PCDH15: variants seen among roughly 807,000 people sequenced by gnomAD.
PCDH15 encodes the protein protocadherin-15.
PCDH15 carries 129 observed loss-of-function variants against 178.5 expected under a neutral mutation model. The ratio of observed to expected loss-of-function variants is 0.72; its 90% CI spans 0.63 to 0.84. The LOEUF (loss-of-function observed/expected upper bound fraction) is 0.84. Ranked by LOEUF, PCDH15 falls within the 40% of genes least tolerant of loss-of-function variation. The pLI is 0.00. For missense variants in PCDH15, 2,230 were observed against 2,099.9 expected, an observed-to-expected ratio of 1.06 and a Z score of -1.21; for synonymous variants, 800 against 732.0, an observed-to-expected ratio of 1.09 and a Z score of -1.50.
intron 2 of PCDH15, among the ~76,000 whole-genome samples, chr10:55,482,570 A>G (rs1322226214): frequency 1.3e-5 from 2 of 151,672 alleles, no homozygotes; most frequent in African/African-American, 4.8e-5. Context: ...TTTCCTTTGC[A>G]TATGAAGTTT....
At chr10:54,758,322 A>T (rs546368844) in intron 1 of PCDH15, among the ~76,000 whole-genome samples, 1 of 152,174 alleles carries the variant, frequency 6.6e-6, no homozygotes, top group Middle Eastern at 3.2e-3. Flanking sequence ...GTATGGTAAA[A>T]TACTCTCTCA....
At position 53,903,283 on chromosome 10, in the gene PCDH15, G is replaced by A. The variant is rs1564729100; in HGVS notation, c.3461C>T (p.Ser1154Phe). 6.2e-7 allele frequency: 1 copy of A among 1,613,146 alleles called. No homozygotes were observed. The highest frequency in any genetic ancestry group is 8.5e-7 in the Non-Finnish European group (1 of 1,179,474). ...AGAAGTAAACATTCTTGCATCTTCA[G>A]ATACACCTCCGATGTAGAATTTTTT... The part of the protein sequence containing the change: ...FQKKFYIGGV[S>F]EDARMFTSVL... The change falls in exon 26 of 38, where the codon TCT becomes TTT. Residue 1154 changes from serine (S) to phenylalanine (F), a missense_variant. Coordinates refer to ENST00000644397, the MANE Select transcript of PCDH15 (RefSeq NM_001384140.1).
chr10:54,961,249 CT>C (rs953233619), intron 2 of PCDH15, among the ~76,000 whole-genome samples: 2 of 152,178 alleles, frequency 1.3e-5, no homozygotes, highest in Non-Finnish European at 2.9e-5. Flanking sequence ...CCAGGCAGCA[CT>C]GACATTCTAG....
At chr10:54,928,299 G>C (rs1837681775) in intron 2 of PCDH15, among the ~76,000 whole-genome samples, 1 of 152,042 alleles carries the variant, frequency 6.6e-6, no homozygotes, top group African/African-American at 2.4e-5. Flanking sequence ...CTGCTGAGAG[G>C]TCTGCTATTA....
At chr10:53,892,977 G>T (rs1027644223) in intron 26 of PCDH15, among the ~76,000 whole-genome samples, 1 of 151,964 alleles carries the variant, frequency 6.6e-6, no homozygotes, top group Admixed American at 6.6e-5. Context: ...ATAATTGAAA[G>T]AAAAGATGAT....
At chr10:54,874,683 T>G (rs551590875) in intron 3 of PCDH15, among the ~76,000 whole-genome samples, 1 of 152,206 alleles carries the variant, frequency 6.6e-6, no homozygotes, top group African/African-American at 2.4e-5. Flanking sequence ...TACTGAAAAT[T>G]TTATAGAAGA....
chr10:55,191,225 A>G (rs1410071638), intron 1 of PCDH15, among the ~76,000 whole-genome samples: 1 of 146,850 alleles, frequency 6.8e-6, no homozygotes, highest in Non-Finnish European at 1.5e-5. Context: ...TATTTTTGTG[A>G]CATATCCTGT....
chr10:54,411,985 C>A (rs548974202), intron 3 of PCDH15, among the ~76,000 whole-genome samples: 21 of 152,074 alleles, frequency 1.4e-4, no homozygotes, highest in African/African-American at 4.8e-4. Context: ...GGGCTATGTC[C>A]GTAGTTTATT....
At chr10:54,701,101 A>G (rs1379907453) in intron 1 of PCDH15, among the ~76,000 whole-genome samples, 1 of 152,128 alleles carries the variant, frequency 6.6e-6, no homozygotes, top group Non-Finnish European at 1.5e-5. Context: ...TTCTTCCTAC[A>G]TAATTAGAAA....
At chr10:55,491,174 T>TTGACC (rs1840406558) in intron 2 of PCDH15, among the ~76,000 whole-genome samples, 1 of 151,746 alleles carries the variant, frequency 6.6e-6, no homozygotes. Context: ...TGTATTCTAT[T>TTGACC]ACAGGAACGT....
chr10:55,093,837 A>G (rs1842378430), intron 2 of PCDH15, among the ~76,000 whole-genome samples: 1 of 152,138 alleles, frequency 6.6e-6, no homozygotes, highest in Non-Finnish European at 1.5e-5. Flanking sequence ...CAAAACCACA[A>G]TGAGATACCA....
At chr10:55,204,347 C>T (rs778017340) in intron 1 of PCDH15, among the ~76,000 whole-genome samples, 1 of 150,792 alleles carries the variant, frequency 6.6e-6, no homozygotes, top group African/African-American at 2.4e-5. Context: ...TACATATACA[C>T]ACATGTATAT....
At chr10:54,600,546 T>C (rs1278156741) in intron 2 of PCDH15, 1 of 580,206 alleles carries the variant, frequency 1.7e-6, no homozygotes, top group East Asian at 4.5e-5. Context: ...TGCTACCAAA[T>C]ACATCACTAA....
chr10:55,180,371 TTTTAA>T (rs1839610526), intron 1 of PCDH15, among the ~76,000 whole-genome samples: 1 of 152,096 alleles, frequency 6.6e-6, no homozygotes, highest in South Asian at 2.1e-4. Context: ...AGATGGAAAG[TTTTAA>T]TTTTATTGCT....
At chr10:54,796,584 T>C (rs1239498302) in intron 1 of PCDH15, among the ~76,000 whole-genome samples, 1 of 151,896 alleles carries the variant, frequency 6.6e-6, no homozygotes. Flanking sequence ...TCTCCACTTC[T>C]CTCTCTTTCT....
intron 2 of PCDH15, among the ~76,000 whole-genome samples, chr10:55,121,660 G>A (rs1011877966): frequency 1.3e-5 from 2 of 152,066 alleles, no homozygotes; most frequent in African/African-American, 2.4e-5. Context: ...TAAGGGTGGA[G>A]CACTCATGAG....
rs1270667611 is a variant in PCDH15, at chr10:54,242,265, CT to C, written c.877-5335del. Among the ~76,000 whole-genome samples the C allele has an allele frequency of 3.2e-4, 46 of 145,150 alleles. 1 individual carries two copies. The East Asian group carries it at 8.4e-3, about 27-fold the overall frequency. Reference sequence around the variant, plus strand: ...AAGCAATCCCAAAAGATTAAGAAGCCTTTTTGTAGATTTAATAAAATCTCAG... The same window carrying C: ...AAGCAATCCCAAAAGATTAAGAAGCCTTTTGTAGATTTAATAAAATCTCAG... On this transcript the variant is annotated intron_variant, in intron 8 of 37. Coordinates refer to ENST00000644397, the MANE Select transcript of PCDH15 (RefSeq NM_001384140.1).
At chr10:54,518,582 C>T (rs184068390) in intron 3 of PCDH15, among the ~76,000 whole-genome samples, 2,168 of 152,160 alleles carry the variant, frequency 0.014, 27 homozygotes, top group Non-Finnish European at 0.019. Flanking sequence ...GCTTACCAAC[C>T]AAAAAGAGTC....
intron 21 of PCDH15, among the ~76,000 whole-genome samples, chr10:53,970,504 T>C (rs1337861820): frequency 6.6e-6 from 1 of 151,674 alleles, no homozygotes; most frequent in Middle Eastern, 3.4e-3. Flanking sequence ...CAGGAGCTGT[T>C]TTTTTTTAAA....
Sources: gnomAD v4.1 joint callset for allele counts (sites outside exome capture counted in the v4.1 genomes callset) on GRCh38, gnomAD v4.1.1 for gene constraint, MANE v1.5 for transcripts, NCBI Gene and HGNC (gene_info 2026-07-23, HGNC 2026-07-21) for gene names.